The following CDH18 variants were observed in gnomAD, a reference collection of about 807,000 sequenced individuals.
CDH18 encodes the protein cadherin 18, also known as cadherin-18.
In CDH18, 31 loss-of-function variants were observed where a neutral mutation model predicts 67.9. That is an observed-to-expected ratio of 0.46 (90% CI 0.34 to 0.62). The LOEUF (loss-of-function observed/expected upper bound fraction) is 0.62, where lower values mean the gene tolerates loss of function less well. CDH18 is among the 20% of genes least tolerant of loss of function. The pLI is 0.01. For synonymous variants in CDH18, 362 were observed against 347.2 expected (o/e 1.04, Z -0.48); for missense variants, 890 against 975.5 (o/e 0.91, Z 1.17).
intron 5 of CDH18, among the ~76,000 whole-genome samples, chr5:19,717,542 G>C (rs1269672890): frequency 6.6e-6 from 1 of 151,994 alleles, no homozygotes; most frequent in African/African-American, 2.4e-5. Flanking sequence ...GTCACCACCT[G>C]ACAAAAATTT....
chr5:19,847,573 T>G (rs1486533807), intron 2 of CDH18, among the ~76,000 whole-genome samples: 1 of 152,094 alleles, frequency 6.6e-6, no homozygotes, highest in African/African-American at 2.4e-5. Context: ...TTCATATACT[T>G]CCATTTTTAG....
intron 2 of CDH18, among the ~76,000 whole-genome samples, chr5:19,937,308 C>T (rs1032941743): frequency 6.6e-6 from 1 of 151,230 alleles, no homozygotes; most frequent in Non-Finnish European, 1.5e-5. Context: ...TGAGCACTTG[C>T]AATGTAATAT....
At chr5:19,964,655 A>G (rs1448395757) in intron 2 of CDH18, among the ~76,000 whole-genome samples, 16 of 151,396 alleles carry the variant, frequency 1.1e-4, no homozygotes, top group Non-Finnish European at 5.9e-5. Flanking sequence ...ATCAAAAAAA[A>G]AAAAAAGAAA....
At chr5:19,666,415 T>A (rs1317600578) in intron 5 of CDH18, among the ~76,000 whole-genome samples, 2 of 151,822 alleles carry the variant, frequency 1.3e-5, no homozygotes, top group African/African-American at 4.8e-5. Context: ...GCAAATAATG[T>A]AAATTTTGAT....
At chr5:19,889,058 T>C (rs1788520084) in intron 2 of CDH18, among the ~76,000 whole-genome samples, 1 of 152,122 alleles carries the variant, frequency 6.6e-6, no homozygotes, top group African/African-American at 2.4e-5. Flanking sequence ...CAAATCATCA[T>C]TAGATTGCTT....
chr5:19,863,970 T>C (rs927416818), intron 2 of CDH18, among the ~76,000 whole-genome samples: 2 of 151,638 alleles, frequency 1.3e-5, no homozygotes, highest in Non-Finnish European at 2.9e-5. Flanking sequence ...GTCAGTGTGG[T>C]GATTCCTCAG....
chr5:20,183,439 G>T (rs952956550), intron 2 of CDH18, among the ~76,000 whole-genome samples: 4 of 151,790 alleles, frequency 2.6e-5, no homozygotes, highest in African/African-American at 9.7e-5. Flanking sequence ...ACATTTATAT[G>T]TATATTTTCT....
chr5:20,430,872 T>G (rs1748683175), intron 1 of CDH18, among the ~76,000 whole-genome samples: 2 of 152,184 alleles, frequency 1.3e-5, no homozygotes. Flanking sequence ...TTCATCTAAG[T>G]AAAATACGGC....
intron 2 of CDH18, among the ~76,000 whole-genome samples, chr5:19,915,573 A>G (rs1791675623): frequency 6.6e-6 from 1 of 152,162 alleles, no homozygotes; most frequent in Non-Finnish European, 1.5e-5. Context: ...ATATATTTCT[A>G]TACTGTATTC....
intron 2 of CDH18, among the ~76,000 whole-genome samples, chr5:20,042,518 T>G (rs376286317): frequency 6.6e-6 from 1 of 152,186 alleles, no homozygotes; most frequent in Non-Finnish European, 1.5e-5. Context: ...CACAAAAACA[T>G]AATTGGCTGG....
At chr5:20,096,880 T>C (rs1458444686) in intron 2 of CDH18, among the ~76,000 whole-genome samples, 1 of 152,102 alleles carries the variant, frequency 6.6e-6, no homozygotes, top group Non-Finnish European at 1.5e-5. Flanking sequence ...AAATGGTACA[T>C]ATCCATTAGT....
chr5:19,668,770 A>G (rs1758316727), intron 5 of CDH18, among the ~76,000 whole-genome samples: 1 of 152,080 alleles, frequency 6.6e-6, no homozygotes, highest in Admixed American at 6.6e-5. Flanking sequence ...CCCTGACTGG[A>G]TGACATCTCA....
chr5:19,513,959 T>G (rs1745522242), intron 10 of CDH18, among the ~76,000 whole-genome samples: 1 of 152,130 alleles, frequency 6.6e-6, no homozygotes, highest in Non-Finnish European at 1.5e-5. Context: ...AATTCGTCAT[T>G]TACATTAGAT....
chr5:20,247,854 T>C (rs1171499565), intron 2 of CDH18, among the ~76,000 whole-genome samples: 2 of 152,066 alleles, frequency 1.3e-5, no homozygotes, highest in East Asian at 3.9e-4. Context: ...TAATAGATAG[T>C]AGCTAAATAA....
intron 5 of CDH18, among the ~76,000 whole-genome samples, chr5:19,683,108 T>C (rs1218661117): frequency 7.1e-6 from 1 of 141,586 alleles, no homozygotes; most frequent in African/African-American, 3.1e-5. Flanking sequence ...TATAACTCTA[T>C]CTATCTATCT....
At chr5:19,668,928 G>T (rs910226854) in intron 5 of CDH18, among the ~76,000 whole-genome samples, 3 of 151,344 alleles carry the variant, frequency 2.0e-5, no homozygotes, top group African/African-American at 7.3e-5. Flanking sequence ...ATTAAAATAA[G>T]GAATAAAATA....
intron 2 of CDH18, among the ~76,000 whole-genome samples, chr5:20,128,829 G>C (rs987735045): frequency 5.3e-5 from 8 of 151,110 alleles, no homozygotes; most frequent in Admixed American, 6.6e-5. Context: ...GGATTGATAG[G>C]ACACAGCAGT....
chr5:19,723,415 G>A (rs1230747674), intron 4 of CDH18, among the ~76,000 whole-genome samples: 2 of 152,112 alleles, frequency 1.3e-5, no homozygotes, highest in Non-Finnish European at 2.9e-5. Flanking sequence ...TCATAAATAT[G>A]TATAATATAT....
intron 5 of CDH18, among the ~76,000 whole-genome samples, chr5:19,710,298 A>G (rs1764549109): frequency 6.6e-6 from 1 of 152,168 alleles, no homozygotes; most frequent in African/African-American, 2.4e-5. Flanking sequence ...ATTTTGAATA[A>G]CTGCCTTCCC....
Sources: gnomAD v4.1 joint callset for allele counts (sites outside exome capture counted in the v4.1 genomes callset) on GRCh38, gnomAD v4.1.1 for gene constraint, MANE v1.5 for transcripts, NCBI Gene and HGNC (gene_info 2026-07-23, HGNC 2026-07-21) for gene names.